Variants in NTN1 observed in about 807,000 individuals in gnomAD.
The protein encoded by NTN1 is netrin-1.
A neutral mutation model predicts 54.2 loss-of-function variants in NTN1; 11 were observed. The ratio of observed to expected loss-of-function variants is 0.20; its 90% CI spans 0.13 to 0.34. The LOEUF (loss-of-function observed/expected upper bound fraction) is 0.34, where lower values mean the gene tolerates loss of function less well. NTN1 is among the 10% of genes least tolerant of loss of function. The pLI, the probability that NTN1 is intolerant of heterozygous loss-of-function variation, is 1.00. For synonymous variants in NTN1, 371 were observed against 382.0 expected, an observed-to-expected ratio of 0.97 and a Z score of 0.33; for missense variants, 740 against 893.1, an observed-to-expected ratio of 0.83 and a Z score of 2.18.
At chr17:9,003,501 T>C in the NTN1 span, among the ~76,000 whole-genome samples, 2 of 150,262 alleles carry the variant, frequency 1.3e-5, no homozygotes, top group African/African-American at 4.9e-5. This position sits in a 1 kb window ranked among gnomAD's most constrained non-coding sequence, Gnocchi z 7.4. Flanking sequence ...CGCGCCTTCC[T>C]GCCCGCCCGG....
the NTN1 span, among the ~76,000 whole-genome samples, chr17:9,015,120 G>T: frequency 6.6e-6 from 1 of 152,160 alleles, no homozygotes; most frequent in African/African-American, 2.4e-5. Flanking sequence ...GATTTAAAAA[G>T]GAAAACTCAG....
intron 5 of NTN1, among the ~76,000 whole-genome samples, chr17:9,199,321 T>C (rs2003543): frequency 0.47 from 70,913 of 152,034 alleles, 18,305 homozygotes; most frequent in South Asian, 0.61. Context: ...TTTGTATTTT[T>C]AGTAGAGATG....
intron 2 of NTN1, among the ~76,000 whole-genome samples, chr17:9,072,430 C>A (rs971242907): frequency 6.6e-6 from 1 of 152,136 alleles, no homozygotes; most frequent in African/African-American, 2.4e-5. Flanking sequence ...CTTATTCTTG[C>A]CTTCTCTCAA....
chr17:9,114,166 A>ATATATATATATATATATATATATAT (rs59456522), intron 2 of NTN1, among the ~76,000 whole-genome samples: 7 of 74,598 alleles, frequency 9.4e-5, no homozygotes, highest in South Asian at 4.4e-4. Context: ...AAAAAAAAAA[A>ATATATATATATATATATATATATAT]ATATATATAT....
intron 2 of NTN1, 64 bp from the exon 3 acceptor site, chr17:9,162,749 G>A: frequency 6.7e-7 from 1 of 1,485,160 alleles, no homozygotes; most frequent in Non-Finnish European, 9.2e-7. Flanking sequence ...TTCTTTTGAC[G>A]CTCTTGGGTG....
rs1905106215 is a variant in NTN1 at position 9,211,502 on chromosome 17, G to T, written c.1412-9666G>T. On this transcript the variant is annotated intron_variant, in intron 5 of 6. Coordinates refer to ENST00000173229, the MANE Select transcript of NTN1 (RefSeq NM_004822.3). The surrounding 1 kb of genome is among the most constrained non-coding windows in gnomAD (Gnocchi z 4.4). Reference sequence around the variant, plus strand: ...CACCCACTGCTCCATTAGCCTTGGGGATCACCCAGTGCCTCCCAGAGCTGT... The same window carrying T: ...CACCCACTGCTCCATTAGCCTTGGGTATCACCCAGTGCCTCCCAGAGCTGT... Among the ~76,000 whole-genome samples, 1 of 152,226 alleles carries T rather than the reference G, an allele frequency of 6.6e-6. No individual in the cohort carries two copies.
chr17:9,037,082 C>T (rs2091905863), intron 2 of NTN1, among the ~76,000 whole-genome samples: 1 of 152,174 alleles, frequency 6.6e-6, no homozygotes, highest in Non-Finnish European at 1.5e-5. Flanking sequence ...CTGTGTCTAC[C>T]ACTAACATGA....
At chr17:9,035,769 C>T (rs1452166337) in intron 2 of NTN1, among the ~76,000 whole-genome samples, 3 of 152,154 alleles carry the variant, frequency 2.0e-5, no homozygotes, top group African/African-American at 4.8e-5. Context: ...TGCCTATCAT[C>T]CCAGCACTTT....
rs137906801 is a variant in NTN1 at position 9,129,360 on chromosome 17, G to A, written c.1019-33453G>A. Among the ~76,000 whole-genome samples, 976 of 152,210 alleles carry A rather than the reference G, an allele frequency of 6.4e-3. 5 individuals carry two copies. The highest frequency in any genetic ancestry group is 0.01 in the Non-Finnish European group (703 of 68,006). On this transcript the variant is annotated intron_variant, in intron 2 of 6. Coordinates refer to ENST00000173229, the MANE Select transcript of NTN1 (RefSeq NM_004822.3). ...GAGGGAACAGCTGAGGGGAGGTGGTGGAGCTGGAGCGGCTGAGCTGCTGAA... is the reference window on the plus strand; with the variant it reads ...GAGGGAACAGCTGAGGGGAGGTGGTAGAGCTGGAGCGGCTGAGCTGCTGAA...
At chr17:9,210,434 A>C (rs1207691190) in intron 5 of NTN1, among the ~76,000 whole-genome samples, 3 of 74,100 alleles carry the variant, frequency 4.0e-5, no homozygotes, top group African/African-American at 1.4e-4. Context: ...ACACACACAC[A>C]CCCCCACACC....
At chr17:9,084,791 A>G (rs111756178) in intron 2 of NTN1, among the ~76,000 whole-genome samples, 2 of 151,570 alleles carry the variant, frequency 1.3e-5, no homozygotes, top group South Asian at 2.1e-4. Flanking sequence ...AGCTGGGACT[A>G]TAGGCACCCG....
chr17:9,100,818 CAGTT>C (rs1218899104), intron 2 of NTN1, among the ~76,000 whole-genome samples: 13 of 152,034 alleles, frequency 8.6e-5, no homozygotes, highest in Admixed American at 5.9e-4. Flanking sequence ...GTCATCCTGT[CAGTT>C]AGTATCTTTC....
intron 5 of NTN1, among the ~76,000 whole-genome samples, chr17:9,189,126 G>A (rs995309299): frequency 4.6e-5 from 7 of 152,192 alleles, no homozygotes; most frequent in African/African-American, 1.7e-4. Flanking sequence ...CTCTGTGCTA[G>A]GCACTGTTTC....
rs1488694673 is a variant in NTN1, at chr17:9,125,496, G to A, written c.1019-37317G>A. ...GTCTTCCTAGGCCTCCCAAAGTGCT[G>A]GGATTACAGGTGTGAGCCACTGCAC... On this transcript the variant is annotated intron_variant, in intron 2 of 6. Coordinates refer to ENST00000173229, the MANE Select transcript of NTN1 (RefSeq NM_004822.3). Among the ~76,000 whole-genome samples the A allele has an allele frequency of 2.6e-5, 4 of 152,152 alleles. No homozygotes were observed. In the East Asian group the frequency reaches 7.7e-4, roughly 29 times the overall value.
chr17:9,204,562 C>T (rs56143468), intron 5 of NTN1, among the ~76,000 whole-genome samples: 28,347 of 152,178 alleles, frequency 0.19, 3,148 homozygotes, highest in Non-Finnish European at 0.26. Context: ...CCCAAAGTGT[C>T]GGGATTACAG....
In NTN1 at chr17:9,212,572, C is replaced by T. The variant is rs147166781; in HGVS notation, c.1412-8596C>T. On this transcript the variant is annotated intron_variant, in intron 5 of 6. Coordinates refer to ENST00000173229, the MANE Select transcript of NTN1 (RefSeq NM_004822.3). This position sits in a 1 kb window ranked among gnomAD's most constrained non-coding sequence, Gnocchi z 5.5. ...AATGGACAGAGCTGGCTGGGTGCCC[C>T]TGTTAGCCCCAGCCTTTCTCCCCTT... Among the ~76,000 whole-genome samples the T allele has an allele frequency of 3.9e-4, 59 of 152,324 alleles. No homozygotes were observed. The highest frequency in any genetic ancestry group is 3.4e-3 in the Middle Eastern group (1 of 294).
chr17:9,048,954 C>A (rs368661067), intron 2 of NTN1, among the ~76,000 whole-genome samples: 1 of 152,314 alleles, frequency 6.6e-6, no homozygotes, highest in African/African-American at 2.4e-5. Flanking sequence ...CCGCGCCCGG[C>A]GGAAAATGCT....
intron 2 of NTN1, among the ~76,000 whole-genome samples, chr17:9,133,260 A>T (rs2092271208): frequency 6.6e-6 from 1 of 152,224 alleles, no homozygotes; most frequent in African/African-American, 2.4e-5. Context: ...GGCCTCAGGG[A>T]AAGCAGCTCC....
chr17:9,107,843 C>G (rs1434379403), intron 2 of NTN1, among the ~76,000 whole-genome samples: 1 of 152,198 alleles, frequency 6.6e-6, no homozygotes, highest in Non-Finnish European at 1.5e-5. Flanking sequence ...ACTATCTGGT[C>G]CTTTGCAGAA....
Sources: gnomAD v4.1 joint callset for allele counts (sites outside exome capture counted in the v4.1 genomes callset) on GRCh38, gnomAD v4.1.1 for gene constraint, Gnocchi (gnomAD v3.1) non-coding constraint, MANE v1.5 for transcripts, NCBI Gene and HGNC (gene_info 2026-07-23, HGNC 2026-07-21) for gene names.